Variants in PTPN13 observed in about 807,000 individuals in gnomAD.
PTPN13 encodes tyrosine-protein phosphatase non-receptor type 13.
In PTPN13, 191 loss-of-function variants were observed where a neutral mutation model predicts 284.0. The observed-to-expected ratio is 0.67, with a 90% CI of 0.60 to 0.76. PTPN13 has a LOEUF of 0.76. Among genes scored for constraint, PTPN13 ranks in the 30% least tolerant of loss-of-function variants. The pLI is 0.00. For synonymous variants in PTPN13, 986 were observed against 1,022.3 expected, an observed-to-expected ratio of 0.96 and a Z score of 0.68; for missense variants, 2,797 against 2,939.9, an observed-to-expected ratio of 0.95 and a Z score of 1.12.
intron 7 of PTPN13, among the ~76,000 whole-genome samples, chr4:86,705,712 A>C (rs994983084): frequency 2.0e-5 from 3 of 152,172 alleles, no homozygotes; most frequent in African/African-American, 7.2e-5. Context: ...AAGATTTAAT[A>C]ACATACCTAA....
At position 86,759,079 on chromosome 4, in the gene PTPN13, G is replaced by A; in HGVS notation, c.3553+6G>A. 6.2e-7 allele frequency: 1 copy of A among 1,611,468 alleles called. No homozygotes were observed. Among genetic ancestry groups the A allele is most frequent in the Non-Finnish European group, 8.5e-7 (1 of 1,178,858 alleles). The stretch of plus-strand genomic sequence containing the variant: ...AAAAGAAAAGATATCCAAAGGTAAT[G>A]TGAATGTCTCTTACTTATGTATTCT... On this transcript the variant is annotated splice_donor_region_variant and intron_variant, in intron 23 of 47. Transcript: ENST00000411767.
chr4:86,745,205 C>A (rs1381409656), intron 17 of PTPN13, 77 bp downstream of exon 17: 2 of 1,353,676 alleles, frequency 1.5e-6, no homozygotes, highest in Admixed American at 2.4e-5. Flanking sequence ...AAAGAACTGC[C>A]ATGATTAGGA....
chr4:86,643,596 G>C (rs141000824), intron 2 of PTPN13, among the ~76,000 whole-genome samples: 2 of 151,950 alleles, frequency 1.3e-5, no homozygotes, highest in African/African-American at 4.8e-5. Flanking sequence ...TACTTTTATT[G>C]CATAAATACT....
intron 44 of PTPN13, 50 bp downstream of exon 44, chr4:86,805,419 A>G (rs1182200692): frequency 1.7e-6 from 2 of 1,144,582 alleles, no homozygotes; most frequent in African/African-American, 3.2e-5. Flanking sequence ...TATAATATTA[A>G]TGGATTAAAA....
chr4:86,612,099 T>G (rs1416152295), intron 1 of PTPN13, among the ~76,000 whole-genome samples: 2 of 152,134 alleles, frequency 1.3e-5, no homozygotes, highest in Non-Finnish European at 2.9e-5. Flanking sequence ...AACAAATCTT[T>G]AAAATAAGAC....
chr4:86,740,640 G>T (rs1213534210), intron 15 of PTPN13, among the ~76,000 whole-genome samples: 1 of 152,116 alleles, frequency 6.6e-6, no homozygotes, highest in East Asian at 1.9e-4. Context: ...TTAACATTTG[G>T]CTCCTTGTTA....
At position 86,750,450 on chromosome 4, in the gene PTPN13, G is replaced by A. The variant is rs1401314233; in HGVS notation, c.2651-20G>A. 6.3e-7 allele frequency: 1 copy of A among 1,591,246 alleles called. No homozygotes were observed. Among genetic ancestry groups the A allele is most frequent in the Non-Finnish European group, 8.6e-7 (1 of 1,168,954 alleles). ...TACTGTGGCGTTACCATCATGTAAAGCAATCCTATTTCCTTGTAGAGAGAG... is the reference window on the plus strand; with the variant it reads ...TACTGTGGCGTTACCATCATGTAAAACAATCCTATTTCCTTGTAGAGAGAG... On this transcript the variant is annotated intron_variant, in intron 17 of 47. Transcript: ENST00000411767.
rs576813372 is a variant in PTPN13 at position 86,805,055 on chromosome 4, A to T, written c.6655-224A>T. ...AAATTAAGACACAAAGTTCTGTCTC[A>T]TAAAGTTGACTACAACGTGTTCAAT... On this transcript the variant is annotated intron_variant, in intron 43 of 47. Coordinates refer to ENST00000411767, the MANE Select transcript of PTPN13 (RefSeq NM_080683.3). 8.5e-5 allele frequency among the ~76,000 whole-genome samples: 13 copies of T among 152,350 alleles called. No homozygotes were observed. The South Asian group carries it at 2.7e-3, about 32-fold the overall frequency.
At chr4:86,758,837 A>C in intron 22 of PTPN13, 52 bp downstream of exon 22, 1 of 1,591,752 alleles carries the variant, frequency 6.3e-7, no homozygotes, top group Non-Finnish European at 8.6e-7. Context: ...GCATGAATTT[A>C]GGAACTTAGG....
chr4:86,683,669 TATATG>T (rs1729142086), intron 3 of PTPN13, among the ~76,000 whole-genome samples: 1 of 152,216 alleles, frequency 6.6e-6, no homozygotes, highest in Non-Finnish European at 1.5e-5. Flanking sequence ...AACTAACTAT[TATATG>T]ATATATATAG....
chr4:86,628,412 G>A (rs556996495), intron 1 of PTPN13, among the ~76,000 whole-genome samples: 1 of 151,046 alleles, frequency 6.6e-6, no homozygotes, highest in South Asian at 2.1e-4. Context: ...GGATTGTTTG[G>A]TTTTTTAATT....
intron 47 of PTPN13, among the ~76,000 whole-genome samples, chr4:86,813,068 T>TA (rs1036956905): frequency 1.3e-5 from 2 of 152,072 alleles, no homozygotes; most frequent in Admixed American, 1.3e-4. Context: ...AAAGTTAAAA[T>TA]ACAGATAAGC....
chr4:86,806,395 TAAAA>T (rs968063573), intron 44 of PTPN13, among the ~76,000 whole-genome samples: 5 of 151,698 alleles, frequency 3.3e-5, no homozygotes, highest in African/African-American at 7.3e-5. Flanking sequence ...AGATAAATAA[TAAAA>T]AAAATCAATA....
rs76891430 is a variant in PTPN13 at position 86,602,577 on chromosome 4, C to G, written c.-6+7788C>G. 5.4e-3 allele frequency among the ~76,000 whole-genome samples: 819 copies of G among 152,152 alleles called. 4 individuals carry two copies. The highest frequency in any genetic ancestry group is 9.5e-3 in the Non-Finnish European group (646 of 68,008). On this transcript the variant is annotated intron_variant, in intron 1 of 47. Coordinates refer to ENST00000411767, the MANE Select transcript of PTPN13 (RefSeq NM_080683.3). ...TACTTTGTTCCTTGGGCCACATGTTCCTTCCAGTCATCGCTTGGGCTTGTT... is the reference window on the plus strand; with the variant it reads ...TACTTTGTTCCTTGGGCCACATGTTGCTTCCAGTCATCGCTTGGGCTTGTT...
chr4:86,813,756 T>G (rs570209365), intron 47 of PTPN13, among the ~76,000 whole-genome samples: 78 of 152,270 alleles, frequency 5.1e-4, no homozygotes, highest in Non-Finnish European at 1.1e-3. Context: ...CTGTTAATTT[T>G]TTGACATTTT....
At chr4:86,672,873 C>T (rs1727864567) in intron 3 of PTPN13, among the ~76,000 whole-genome samples, 1 of 152,174 alleles carries the variant, frequency 6.6e-6, no homozygotes, top group African/African-American at 2.4e-5. Context: ...CAATCTGTAA[C>T]AGCAATCCTC....
At chr4:86,787,166 T>C (rs1742025605) in intron 40 of PTPN13, among the ~76,000 whole-genome samples, 1 of 152,242 alleles carries the variant, frequency 6.6e-6, no homozygotes, top group East Asian at 1.9e-4. Context: ...CTTGTTAATA[T>C]AGATTCTCAT....
intron 42 of PTPN13, among the ~76,000 whole-genome samples, chr4:86,801,261 G>A (rs1269306974): frequency 6.6e-6 from 1 of 152,234 alleles, no homozygotes; most frequent in African/African-American, 2.4e-5. Flanking sequence ...CTGGCCCTGA[G>A]TGCCAAGGAT....
chr4:86,636,367 A>G (rs1723018260), intron 2 of PTPN13, among the ~76,000 whole-genome samples: 1 of 151,318 alleles, frequency 6.6e-6, no homozygotes, highest in Non-Finnish European at 1.5e-5. Context: ...TCATGCCAGA[A>G]GTTGCACATG....
Sources: gnomAD v4.1 joint callset for allele counts (sites outside exome capture counted in the v4.1 genomes callset) on GRCh38, gnomAD v4.1.1 for gene constraint, MANE v1.5 for transcripts, NCBI Gene and HGNC (gene_info 2026-07-23, HGNC 2026-07-21) for gene names.